The following MACROH2A1 variants were observed in gnomAD, a reference collection of about 807,000 sequenced individuals.
The protein encoded by MACROH2A1 is core histone macro-H2A.1.
A neutral mutation model predicts 31.6 loss-of-function variants in MACROH2A1; 2 were observed. That is an observed-to-expected ratio of 0.06 (90% CI 0.03 to 0.20). The LOEUF is 0.20. Among genes scored for constraint, MACROH2A1 ranks in the 10% least tolerant of loss-of-function variants. The pLI, the probability that MACROH2A1 is intolerant of heterozygous loss-of-function variation, is 1.00. For synonymous variants in MACROH2A1, 169 were observed against 189.6 expected (o/e 0.89, Z 0.89); for missense variants, 230 against 474.0 (o/e 0.49, Z 4.78).
chr5:135,380,347 C>T (rs147779784), intron 2 of MACROH2A1, among the ~76,000 whole-genome samples: 164 of 152,266 alleles, frequency 1.1e-3, no homozygotes, highest in African/African-American at 3.7e-3. Flanking sequence ...CCCAGCACCC[C>T]GCTTGGGACT....
intron 4 of MACROH2A1, among the ~76,000 whole-genome samples, chr5:135,366,356 G>C (rs1763499875): frequency 6.6e-6 from 1 of 152,102 alleles, no homozygotes; most frequent in South Asian, 2.1e-4. Context: ...AATATGACAG[G>C]GGCAGTGAAC....
Position 135,370,000 on chromosome 5 carries a change from G to T in MACROH2A1, c.279+36C>A. 2 of 1,350,834 alleles carry T rather than the reference G, an allele frequency of 1.5e-6. No individual in the cohort carries two copies. Among genetic ancestry groups the T allele is most frequent in the Non-Finnish European group, 2.1e-6 (2 of 943,722 alleles). 83.7% of individuals were successfully genotyped at this position (1,350,834 alleles called of 1,614,324 possible). ...TGTTTCTTGGGCAGTATGACCACCT[G>T]CTCAAACATCAGTGGGAGATGGGAG... On this transcript the variant is annotated intron_variant, in intron 3 of 8. Coordinates refer to ENST00000511689, the MANE Select transcript of MACROH2A1 (RefSeq NM_138610.3). The surrounding 1 kb of genome is among the most constrained non-coding windows in gnomAD (Gnocchi z 4.3).
At chr5:135,396,023 T>C (rs1411346216) in intron 1 of MACROH2A1, among the ~76,000 whole-genome samples, 1 of 152,190 alleles carries the variant, frequency 6.6e-6, no homozygotes, top group Non-Finnish European at 1.5e-5. Context: ...AGAAACAGTT[T>C]TGGGGAAGCT....
intron 6 of MACROH2A1, chr5:135,347,698 A>C (rs1761024507): frequency 6.6e-6 from 1 of 152,266 alleles, no homozygotes; most frequent in South Asian, 2.1e-4. Flanking sequence ...GTGAGACCCC[A>C]ATACAGGTTC....
chr5:135,378,660 T>C (rs1303942925), intron 2 of MACROH2A1, among the ~76,000 whole-genome samples: 2 of 152,132 alleles, frequency 1.3e-5, no homozygotes, highest in African/African-American at 2.4e-5. Flanking sequence ...CTGTGCTGTG[T>C]GATTTTGGAG....
At chr5:135,337,560 A>G (rs1392273844) in intron 8 of MACROH2A1, among the ~76,000 whole-genome samples, 1 of 152,246 alleles carries the variant, frequency 6.6e-6, no homozygotes, top group Non-Finnish European at 1.5e-5. Context: ...CTATTCCTCT[A>G]CATCAATAGT....
intron 2 of MACROH2A1, among the ~76,000 whole-genome samples, chr5:135,374,210 G>A (rs1764557950): frequency 6.6e-6 from 1 of 152,160 alleles, no homozygotes; most frequent in South Asian, 2.1e-4. Context: ...GGGCTTTCCT[G>A]GCTAAGAAAG....
chr5:135,344,019 T>C (rs1240709842), intron 7 of MACROH2A1: 2 of 155,016 alleles, frequency 1.3e-5, no homozygotes, highest in African/African-American at 2.4e-5. Context: ...ATGGCCTCAC[T>C]GTGTGAATAA....
rs370691079 is a variant in MACROH2A1, at chr5:135,395,678, G to A, written c.-34+3384C>T. Among the ~76,000 whole-genome samples, 18 of 152,286 alleles carry A rather than the reference G, an allele frequency of 1.2e-4. No individual in the cohort carries two copies. The South Asian group carries it at 3.7e-3, about 32-fold the overall frequency. ...CGCTGTCATGTCCCCAGAGGCATGT[G>A]GATATACTAGACAACCATTGCTCAC... On this transcript the variant is annotated intron_variant, in intron 1 of 8. Transcript: ENST00000511689.
At chr5:135,392,694 C>T (rs1386847935) in intron 1 of MACROH2A1, among the ~76,000 whole-genome samples, 1 of 152,158 alleles carries the variant, frequency 6.6e-6, no homozygotes, top group African/African-American at 2.4e-5. Flanking sequence ...GCACCCATGA[C>T]AAGGGGGAGA....
chr5:135,365,985 T>C (rs1045853729), intron 4 of MACROH2A1, among the ~76,000 whole-genome samples: 1 of 152,228 alleles, frequency 6.6e-6, no homozygotes, highest in Non-Finnish European at 1.5e-5. Flanking sequence ...TGGAGGTAAC[T>C]GGATCATGGT....
chr5:135,336,385 C>A (rs993985624), intron 8 of MACROH2A1, among the ~76,000 whole-genome samples: 1 of 152,232 alleles, frequency 6.6e-6, no homozygotes, highest in African/African-American at 2.4e-5. Flanking sequence ...GACTTAGGAG[C>A]TTCTGGATGC....
intron 7 of MACROH2A1, chr5:135,343,705 C>T: frequency 2.1e-6 from 1 of 483,156 alleles, no homozygotes; most frequent in Non-Finnish European, 3.8e-6. Flanking sequence ...AGAAAGCATA[C>T]ACGGTTCTCC....
intron 7 of MACROH2A1, 159 bp downstream of exon 7, chr5:135,345,809 G>GA: frequency 1.8e-6 from 1 of 568,670 alleles, no homozygotes; most frequent in Admixed American, 3.0e-5. Flanking sequence ...TGCATGTGGT[G>GA]AAACTCTAAG....
intron 5 of MACROH2A1, chr5:135,354,356 G>C (rs1307729191): frequency 1.3e-5 from 2 of 152,240 alleles, no homozygotes; most frequent in Non-Finnish European, 2.9e-5. Context: ...TTCTCAAAGA[G>C]GGATGTGCTT....
At chr5:135,397,454 TCAAA>T (rs1768170451) in intron 1 of MACROH2A1, among the ~76,000 whole-genome samples, 1 of 152,240 alleles carries the variant, frequency 6.6e-6, no homozygotes, top group Admixed American at 6.5e-5. Context: ...AAGGCCTGCC[TCAAA>T]CAATTTTCAT....
At chr5:135,341,576 G>A (rs1759881250) in intron 8 of MACROH2A1, among the ~76,000 whole-genome samples, 1 of 152,224 alleles carries the variant, frequency 6.6e-6, no homozygotes, top group African/African-American at 2.4e-5. Context: ...CTGGGGAACG[G>A]TGGCAGTGCC....
In MACROH2A1 at chr5:135,369,712, C is replaced by T; in HGVS notation, c.280-109G>A. 1 of 799,400 alleles carries T rather than the reference C, an allele frequency of 1.3e-6. No individual in the cohort carries two copies. Among genetic ancestry groups the T allele is most frequent in the East Asian group, 2.5e-5 (1 of 39,570 alleles). 49.5% of individuals were successfully genotyped at this position (799,400 alleles called of 1,614,324 possible). ...TTGCTTTGGGTTGGTGCAGCTCCTT[C>T]CTCCATGGCATCCTCCATGAGGATG... On this transcript the variant is annotated intron_variant, in intron 3 of 8. Coordinates refer to ENST00000511689, the MANE Select transcript of MACROH2A1 (RefSeq NM_138610.3). This position sits in a 1 kb window ranked among gnomAD's most constrained non-coding sequence, Gnocchi z 4.3.
intron 8 of MACROH2A1, among the ~76,000 whole-genome samples, chr5:135,339,115 T>C (rs543770139): frequency 1.3e-5 from 2 of 152,314 alleles, no homozygotes; most frequent in South Asian, 2.1e-4. Context: ...AAGAGTTTCC[T>C]ACACCATAGG....
Sources: allele counts gnomAD v4.1 joint callset (sites outside exome capture counted in the v4.1 genomes callset), GRCh38; gene constraint gnomAD v4.1.1; non-coding constraint Gnocchi (gnomAD v3.1); transcripts MANE v1.5; gene names NCBI Gene and HGNC (gene_info 2026-07-23, HGNC 2026-07-21).